The following CYS1 variants were observed in gnomAD, a reference collection of about 807,000 sequenced individuals.
CYS1 encodes cystin-1.
A neutral mutation model predicts 9.6 loss-of-function variants in CYS1; 5 were observed. The observed-to-expected ratio is 0.52, with a 90% confidence interval of 0.27 to 1.10. The LOEUF (loss-of-function observed/expected upper bound fraction) is 1.10, where lower values mean the gene tolerates loss of function less well. Among genes scored for constraint, CYS1 ranks in the 50% least tolerant of loss-of-function variants. CYS1 has a pLI of 0.11. For missense variants in CYS1, 221 were observed against 207.9 expected (o/e 1.06, Z -0.39); for synonymous variants, 88 against 95.7 (o/e 0.92, Z 0.47).
At chr2:10,070,257 G>A (rs1661747861) in intron 1 of CYS1, among the ~76,000 whole-genome samples, 1 of 152,220 alleles carries the variant, frequency 6.6e-6, no homozygotes, top group Admixed American at 6.5e-5. Context: ...GGTTCTCCCA[G>A]CCTGGCCCAG....
chr2:10,071,939 C>T (rs1304298584), intron 1 of CYS1, among the ~76,000 whole-genome samples: 2 of 152,134 alleles, frequency 1.3e-5, no homozygotes, highest in African/African-American at 2.4e-5. Context: ...TGTGTCATCC[C>T]TTGAGATTCT....
At chr2:10,068,084 A>G (rs916395927) in intron 1 of CYS1, among the ~76,000 whole-genome samples, 2 of 151,994 alleles carry the variant, frequency 1.3e-5, no homozygotes, top group Non-Finnish European at 2.9e-5. Flanking sequence ...TCTCCATCTC[A>G]CTGATCCTCT....
rs1040925235 is a variant in CYS1 at position 10,076,725 on chromosome 2, C to T, written c.318+3181G>A. Among the ~76,000 whole-genome samples the T allele has an allele frequency of 2.0e-5, 3 of 152,204 alleles. No homozygotes were observed. The highest frequency in any genetic ancestry group is 4.4e-5 in the Non-Finnish European group (3 of 68,036). The stretch of plus-strand genomic sequence containing the variant: ...GTGCTCAACCCCTGGCCTCGTCCCA[C>T]GTTAGTTCACATACACGAAGCTCCC... On this transcript the variant is annotated intron_variant, in intron 1 of 2. Coordinates refer to ENST00000381813, the MANE Select transcript of CYS1 (RefSeq NM_001037160.3). This position sits in a 1 kb window ranked among gnomAD's most constrained non-coding sequence, Gnocchi z 4.3.
intron 2 of CYS1, among the ~76,000 whole-genome samples, chr2:10,064,872 T>C (rs1416829078): frequency 6.6e-6 from 1 of 151,070 alleles, no homozygotes; most frequent in Non-Finnish European, 1.5e-5. Context: ...TGCGCACCAC[T>C]GTGCCCGGCT....
chr2:10,080,209 G>T lies in CYS1; in HGVS notation c.15C>A (p.Ser5Arg). ...GCCTCAGAGTCCGGCTGCTCCGGCT[G>T]CTGCCGCTGCCCATGGCGCGCCCGC... is the stretch of plus-strand genomic sequence containing the variant. Reference protein sequence around the residue: MGSGSSRSSRTLRRR... With the variant: MGSGRSRSSRTLRRR... The change falls in exon 1 of 3, where the codon AGC becomes AGA. Residue 5 changes from serine (S) to arginine (R), a missense_variant. Coordinates refer to ENST00000381813, the MANE Select transcript of CYS1 (RefSeq NM_001037160.3). This position sits in a 1 kb window ranked among gnomAD's most constrained non-coding sequence, Gnocchi z 6.4. 1 of 1,060,838 alleles carries T rather than the reference G, an allele frequency of 9.4e-7. No homozygotes were observed. The highest frequency in any genetic ancestry group is 1.1e-6 in the Non-Finnish European group (1 of 882,452). The allele number at this position is 1,060,838 out of a possible 1,614,324, so 65.7% of individuals were successfully genotyped here.
In CYS1 at chr2:10,063,094, T is replaced by C. The variant is rs1661649886; in HGVS notation, c.371+2810A>G. On this transcript the variant is annotated intron_variant, in intron 2 of 2. Coordinates refer to ENST00000381813, the MANE Select transcript of CYS1 (RefSeq NM_001037160.3). The surrounding 1 kb of genome is among the most constrained non-coding windows in gnomAD (Gnocchi z 4.2). Reference sequence around the variant, plus strand: ...GGGGAAGGACCTGGCGTTGTCAGGATGGTCAGGACTGGGGTCAAGGCCCAC... The same window carrying C: ...GGGGAAGGACCTGGCGTTGTCAGGACGGTCAGGACTGGGGTCAAGGCCCAC... 6.6e-6 allele frequency among the ~76,000 whole-genome samples: 1 copy of C among 152,222 alleles called. No individual in the cohort carries two copies. Among genetic ancestry groups the C allele is most frequent in the African/African-American group, 2.4e-5 (1 of 41,468 alleles).
At chr2:10,068,361 T>C (rs1156511876) in intron 1 of CYS1, among the ~76,000 whole-genome samples, 5 of 152,122 alleles carry the variant, frequency 3.3e-5, no homozygotes, top group Non-Finnish European at 1.5e-5. Context: ...CTTTGGGGAG[T>C]TGATTATTTT....
At chr2:10,072,955 GA>G (rs1456487187) in intron 1 of CYS1, among the ~76,000 whole-genome samples, 2 of 150,576 alleles carry the variant, frequency 1.3e-5, no homozygotes, top group African/African-American at 2.4e-5. Context: ...CTGCGCGGGG[GA>G]GCAGTGCAGA....
chr2:10,077,626 A>G (rs1558361866), intron 1 of CYS1, among the ~76,000 whole-genome samples: 1 of 152,172 alleles, frequency 6.6e-6, no homozygotes. Flanking sequence ...GGAGTTCAAG[A>G]CCAGCCTGGC....
Position 10,057,699 on chromosome 2 carries a change from C to G in CYS1, c.*1154G>C, listed in dbSNP as rs981434562. 1 of 152,718 alleles carries G rather than the reference C, an allele frequency of 6.5e-6. No homozygotes were observed. The highest frequency in any genetic ancestry group is 6.5e-5 in the Admixed American group (1 of 15,284). The allele number at this position is 152,718 out of a possible 1,614,324, so 9.5% of individuals were successfully genotyped here. A position where few individuals can be genotyped will look rare whatever the true frequency, so the allele number is the denominator to read the frequency against. ...TGCCCTGCAGGCTGCTGGGGAGGAG[C>G]CTGCCGCCTGCCTCCTGCCTCCCTA... On this transcript the variant is annotated 3_prime_UTR_variant, in exon 3 of 3. Transcript: ENST00000381813.
At chr2:10,066,080 C>A in intron 1 of CYS1, 124 bp from the exon 2 acceptor site, 1 of 1,075,870 alleles carries the variant, frequency 9.3e-7, no homozygotes, top group Admixed American at 2.0e-5. Flanking sequence ...AGCCTCGGAG[C>A]GGAAAGGCTC....
chr2:10,061,252 C>CCAAA (rs990564911), intron 2 of CYS1, among the ~76,000 whole-genome samples: 65 of 151,936 alleles, frequency 4.3e-4, no homozygotes, highest in Middle Eastern at 3.4e-3. Context: ...AACCAACCAA[C>CCAAA]CAAACAAACA....
intron 2 of CYS1, among the ~76,000 whole-genome samples, chr2:10,060,818 C>G (rs746711919): frequency 6.6e-6 from 1 of 152,242 alleles, no homozygotes; most frequent in Non-Finnish European, 1.5e-5. Flanking sequence ...AACCCAGCAG[C>G]TACTCCACGA....
intron 2 of CYS1, among the ~76,000 whole-genome samples, chr2:10,061,772 T>C (rs1312244809): frequency 6.6e-6 from 1 of 152,174 alleles, no homozygotes; most frequent in African/African-American, 2.4e-5. Flanking sequence ...ACCCCTGCCC[T>C]GTCTGCCTGG....
intron 1 of CYS1, among the ~76,000 whole-genome samples, chr2:10,068,325 T>G (rs1253968894): frequency 6.6e-6 from 1 of 152,240 alleles, no homozygotes; most frequent in Non-Finnish European, 1.5e-5. Flanking sequence ...TTTTGTTTCT[T>G]GTTTCTTCTA....
At position 10,063,508 on chromosome 2, in the gene CYS1, T is replaced by C. The variant is rs1322287403; in HGVS notation, c.371+2396A>G. The stretch of plus-strand genomic sequence containing the variant: ...TGCTATATTTACTTTATCACGTACT[T>C]ATTTACTTCTTCATCTGATTTTCTG... On this transcript the variant is annotated intron_variant, in intron 2 of 2. Coordinates refer to ENST00000381813, the MANE Select transcript of CYS1 (RefSeq NM_001037160.3). The surrounding 1 kb of genome is among the most constrained non-coding windows in gnomAD (Gnocchi z 4.2). Among the ~76,000 whole-genome samples the C allele has an allele frequency of 1.3e-5, 2 of 152,182 alleles. No individual in the cohort carries two copies. The highest frequency in any genetic ancestry group is 2.9e-5 in the Non-Finnish European group (2 of 68,028).
chr2:10,080,104 C>G lies in CYS1; in HGVS notation c.120G>C (p.Val40=), dbSNP rs1393629595. Residue 40 remains valine (V), a synonymous_variant, in exon 1 of 3, where the codon GTG becomes GTC. Transcript: ENST00000381813. This position sits in a 1 kb window ranked among gnomAD's most constrained non-coding sequence, Gnocchi z 6.4. The part of the protein sequence containing the change: ...LEGGTRRRVP[V]AAAEVPGAAA... ...CTGCCCCCGGGACCTCGGCCGCCGC[C>G]ACCGGCACCCGCCGGCGGGTCCCGC... 2 of 1,027,090 alleles carry G rather than the reference C, an allele frequency of 1.9e-6. No homozygotes were observed. The highest frequency in any genetic ancestry group is 1.9e-4 in the East Asian group (2 of 10,806). 63.6% of individuals were successfully genotyped at this position (1,027,090 alleles called of 1,614,324 possible). A position where few individuals can be genotyped will look rare whatever the true frequency, so the allele number is the denominator to read the frequency against.
In CYS1 at chr2:10,076,579, C is replaced by T. The variant is rs767040482; in HGVS notation, c.318+3327G>A. On this transcript the variant is annotated intron_variant, in intron 1 of 2. Transcript: ENST00000381813. This position sits in a 1 kb window ranked among gnomAD's most constrained non-coding sequence, Gnocchi z 4.3. ...ATATCCCACCAAGCAGCACTTCCAG[C>T]AGCTGAGCACGCCCTCCGTCCTAAG... Among the ~76,000 whole-genome samples, 16 of 152,224 alleles carry T rather than the reference C, an allele frequency of 1.1e-4. No homozygotes were observed. The highest frequency in any genetic ancestry group is 2.4e-4 in the Non-Finnish European group (16 of 68,048).
chr2:10,059,874 GCTC>G (rs1208584819), intron 2 of CYS1, among the ~76,000 whole-genome samples: 1 of 152,232 alleles, frequency 6.6e-6, no homozygotes, highest in Admixed American at 6.5e-5. Flanking sequence ...CGAGACCAGA[GCTC>G]CTGCTCCTGC....
Sources: allele counts gnomAD v4.1 joint callset (sites outside exome capture counted in the v4.1 genomes callset), GRCh38; gene constraint gnomAD v4.1.1; non-coding constraint Gnocchi (gnomAD v3.1); transcripts MANE v1.5; gene names NCBI Gene and HGNC (gene_info 2026-07-23, HGNC 2026-07-21).